EFCAB13: variants seen among roughly 807,000 people sequenced by gnomAD.
EFCAB13 encodes the protein EF-hand calcium binding domain 13.
Under a neutral mutation model 110.2 loss-of-function variants are expected in EFCAB13, and 91 were observed. That is an observed-to-expected ratio of 0.83 (90% CI 0.70 to 0.98). EFCAB13 has a LOEUF of 0.98. Among genes scored for constraint, EFCAB13 ranks in the 50% least tolerant of loss-of-function variants. The pLI, the probability that EFCAB13 is intolerant of heterozygous loss-of-function variation, is 0.00. For missense variants in EFCAB13, 968 were observed against 1,119.4 expected (o/e 0.86, Z 1.93); for synonymous variants, 323 against 369.9 (o/e 0.87, Z 1.45).
intron 10 of EFCAB13, among the ~76,000 whole-genome samples, chr17:47,364,403 TC>T (rs2065534180): frequency 6.7e-6 from 1 of 149,478 alleles, no homozygotes; most frequent in Admixed American, 6.7e-5. Context: ...AACCTCCGAC[TC>T]CCTGGTTCAA....
At chr17:47,396,070 C>T (rs138720666) in intron 17 of EFCAB13, 93 bp downstream of exon 17, 10 of 1,105,704 alleles carry the variant, frequency 9.0e-6, no homozygotes, top group Admixed American at 2.5e-5. Flanking sequence ...CTTGGCGAGA[C>T]GGAGTGTTCG....
At chr17:47,357,890 G>A (rs1254776189) in intron 9 of EFCAB13, among the ~76,000 whole-genome samples, 2 of 151,914 alleles carry the variant, frequency 1.3e-5, no homozygotes, top group African/African-American at 4.8e-5. Flanking sequence ...AGCGTGTAGA[G>A]ACCACTTTTT....
At chr17:47,432,450 G>A (rs1047684541) in intron 24 of EFCAB13, among the ~76,000 whole-genome samples, 4 of 133,276 alleles carry the variant, frequency 3.0e-5, no homozygotes, top group Admixed American at 7.1e-5. Context: ...AAATTAGCTC[G>A]GTGTGATAGC....
rs1181437235 is a variant in EFCAB13 at position 47,374,643 on chromosome 17, T to C, written c.1049T>C (p.Met350Thr). ...KKSNQYYSKI[M>T]ENDDLESKRP... The stretch of plus-strand genomic sequence containing the variant: ...AGCAACCAATATTATAGCAAAATTA[T>C]GGAGAATGATGACCTTGAATCTAAA... The change falls in exon 12 of 25, where the codon ATG becomes ACG. Residue 350 changes from methionine to threonine, a missense_variant. Physicochemically the swap from Met to Thr is moderately conservative, Grantham distance 81. Transcript: ENST00000331493. 6.2e-7 allele frequency: 1 copy of C among 1,606,646 alleles called. No homozygotes were observed. The highest frequency in any genetic ancestry group is 8.5e-7 in the Non-Finnish European group (1 of 1,178,292).
intron 14 of EFCAB13, among the ~76,000 whole-genome samples, chr17:47,387,601 A>G (rs4968319): frequency 0.52 from 78,945 of 151,950 alleles, 20,987 homozygotes; most frequent in Middle Eastern, 0.56. Context: ...TTTCCTTAAA[A>G]CCACTATTTT....
At position 47,414,833 on chromosome 17, in the gene EFCAB13, A is replaced by C. The variant is rs755654113; in HGVS notation, c.2423-15A>C. ...CAGGTTTTTAATGTCAGCATTTTTT[A>C]CTTTGACCTTCCAGATAATATGGAG... On this transcript the variant is annotated splice_polypyrimidine_tract_variant and intron_variant, in intron 22 of 24. Coordinates refer to ENST00000331493, the MANE Select transcript of EFCAB13 (RefSeq NM_152347.5). The C allele has an allele frequency of 2.8e-5, 44 of 1,560,110 alleles. No homozygotes were observed. The highest frequency in any genetic ancestry group is 3.9e-5 in the Non-Finnish European group (44 of 1,137,956).
chr17:47,432,859 A>C (rs1189794054), intron 24 of EFCAB13, among the ~76,000 whole-genome samples: 3 of 152,208 alleles, frequency 2.0e-5, no homozygotes, highest in African/African-American at 7.2e-5. Flanking sequence ...TTACATTTAC[A>C]GAAGAGTTTT....
Position 47,429,867 on chromosome 17 carries a change from T to A in EFCAB13, c.2544T>A (p.Val848=). Residue 848 remains valine, a synonymous_variant, in exon 24 of 25, where the codon GTT becomes GTA. Coordinates refer to ENST00000331493, the MANE Select transcript of EFCAB13 (RefSeq NM_152347.5). The stretch of plus-strand genomic sequence containing the variant: ...CCCAAATTCTCCAGAATGATCTAGT[T>A]GATGTCTCTGACCTCAAGACATTAT... The part of the protein sequence containing the change: ...ATTQILQNDL[V]DVSDLKTLLM... 1 of 1,612,402 alleles carries A rather than the reference T, an allele frequency of 6.2e-7. No individual in the cohort carries two copies. Among genetic ancestry groups the A allele is most frequent in the Non-Finnish European group, 8.5e-7 (1 of 1,178,850 alleles).
intron 14 of EFCAB13, among the ~76,000 whole-genome samples, chr17:47,379,770 A>ATT (rs74311766): frequency 3.3e-5 from 5 of 151,954 alleles, no homozygotes; most frequent in Admixed American, 2.0e-4. Context: ...ATGATTAAAT[A>ATT]TTTTTTAGCA....
At chr17:47,415,692 G>A (rs1472704386) in intron 23 of EFCAB13, among the ~76,000 whole-genome samples, 1 of 152,126 alleles carries the variant, frequency 6.6e-6, no homozygotes, top group Non-Finnish European at 1.5e-5. Context: ...TCATGCCTCT[G>A]GAGTTTTCAG....
At chr17:47,377,079 G>T (rs376895935) in intron 12 of EFCAB13, among the ~76,000 whole-genome samples, 2 of 152,106 alleles carry the variant, frequency 1.3e-5, no homozygotes, top group Non-Finnish European at 2.9e-5. Flanking sequence ...ATTAATGGGA[G>T]GGTGAAGAAC....
chr17:47,410,118 T>TA (rs113027978), intron 21 of EFCAB13, among the ~76,000 whole-genome samples: 13,409 of 140,338 alleles, frequency 0.096, 834 homozygotes, highest in East Asian at 0.36. Context: ...ATAATTTGTA[T>TA]AAAAAAAAAA....
At chr17:47,410,059 T>C (rs1291880704) in intron 21 of EFCAB13, among the ~76,000 whole-genome samples, 1 of 152,098 alleles carries the variant, frequency 6.6e-6, no homozygotes, top group Non-Finnish European at 1.5e-5. Context: ...CCTCTTTGCC[T>C]ACTGTTGTAG....
intron 14 of EFCAB13, 27 bp from the exon 15 acceptor site, chr17:47,391,410 C>G (rs2065706772): frequency 1.4e-6 from 2 of 1,471,800 alleles, no homozygotes; most frequent in Non-Finnish European, 1.8e-6. Flanking sequence ...ATATTTAATA[C>G]TTATTAGCAT....
At chr17:47,397,042 C>T (rs1449280418) in intron 17 of EFCAB13, among the ~76,000 whole-genome samples, 1 of 148,546 alleles carries the variant, frequency 6.7e-6, no homozygotes, top group Non-Finnish European at 1.5e-5. Flanking sequence ...CTCCCCCTCC[C>T]CCTTTCCCTC....
At chr17:47,397,621 G>C (rs1239478047) in intron 17 of EFCAB13, among the ~76,000 whole-genome samples, 2 of 150,962 alleles carry the variant, frequency 1.3e-5, no homozygotes, top group East Asian at 2.0e-4. Context: ...GTCTCTGCCC[G>C]GCCGCCCATC....
chr17:47,399,882 T>G (rs931864033), intron 17 of EFCAB13, among the ~76,000 whole-genome samples: 1 of 152,254 alleles, frequency 6.6e-6, no homozygotes, highest in Non-Finnish European at 1.5e-5. Flanking sequence ...AGCTCTCTTG[T>G]TTCTTCTGAA....
intron 15 of EFCAB13, among the ~76,000 whole-genome samples, chr17:47,393,745 TAAATAAATAAAA>T (rs1354119726): frequency 2.0e-4 from 26 of 132,440 alleles, no homozygotes; most frequent in Non-Finnish European, 3.7e-4. Flanking sequence ...AATAAATAAA[TAAATAAATAAAA>T]ATAAAAATAA....
Position 47,324,530 on chromosome 17 carries a change from T to A in EFCAB13, c.-248+7T>A, listed in dbSNP as rs1405045645. 6.6e-6 allele frequency: 1 copy of A among 152,134 alleles called. No homozygotes were observed. Among genetic ancestry groups the A allele is most frequent in the East Asian group, 1.9e-4 (1 of 5,192 alleles). The allele number at this position is 152,134 out of a possible 1,614,324, so 9.4% of individuals were successfully genotyped here. On this transcript the variant is annotated splice_region_variant and intron_variant, in intron 2 of 24. Transcript: ENST00000331493. ...GTTCTTGGAAGAGGTGGAGGTTCGT[T>A]CACTCGACGTTTGTTACACAAATAT... is the stretch of plus-strand genomic sequence containing the variant.
Sources: allele counts gnomAD v4.1 joint callset (sites outside exome capture counted in the v4.1 genomes callset), GRCh38; gene constraint gnomAD v4.1.1; transcripts MANE v1.5; gene names NCBI Gene and HGNC (gene_info 2026-07-23, HGNC 2026-07-21).